Variants in RBFOX1 observed in about 807,000 individuals in gnomAD.
RBFOX1 encodes RNA binding protein fox-1 homolog 1.
RBFOX1 carries 8 observed loss-of-function variants against 57.7 expected under a neutral mutation model. The observed-to-expected ratio is 0.14, with a 90% CI of 0.08 to 0.25. The LOEUF (loss-of-function observed/expected upper bound fraction) is 0.25, where lower values mean the gene tolerates loss of function less well. RBFOX1 is among the 10% of genes least tolerant of loss of function. The pLI, the probability that RBFOX1 is intolerant of heterozygous loss-of-function variation, is 1.00. For synonymous variants in RBFOX1, 326 were observed against 222.4 expected, an observed-to-expected ratio of 1.47 and a Z score of -4.15; for missense variants, 611 against 548.5, an observed-to-expected ratio of 1.11 and a Z score of -1.14.
intron 3 of RBFOX1, among the ~76,000 whole-genome samples, chr16:6,900,312 A>G (rs556264548): frequency 6.6e-6 from 1 of 152,200 alleles, no homozygotes; most frequent in Non-Finnish European, 1.5e-5. Context: ...TCCTGTTCCA[A>G]GTTGCCATCA....
At chr16:6,965,176 G>A (rs949936241) in intron 3 of RBFOX1, among the ~76,000 whole-genome samples, 1 of 152,154 alleles carries the variant, frequency 6.6e-6, no homozygotes, top group Admixed American at 6.6e-5. Flanking sequence ...TGCTGTGGTG[G>A]TAGATTCTGG....
chr16:7,339,349 A>T (rs529365772), intron 4 of RBFOX1, among the ~76,000 whole-genome samples: 63 of 152,204 alleles, frequency 4.1e-4, no homozygotes, highest in Non-Finnish European at 7.9e-4. Flanking sequence ...TTCCAACAGG[A>T]AGTTGATATT....
At chr16:6,499,830 C>G (rs914415195) in intron 2 of RBFOX1, among the ~76,000 whole-genome samples, 3 of 152,054 alleles carry the variant, frequency 2.0e-5, no homozygotes, top group East Asian at 3.9e-4. Context: ...TAATCGATAC[C>G]TCCTCTTGTT....
intron 3 of RBFOX1, among the ~76,000 whole-genome samples, chr16:5,624,913 A>G (rs888663823): frequency 2.0e-5 from 3 of 152,102 alleles, no homozygotes; most frequent in Non-Finnish European, 4.4e-5. Context: ...CAATAGGTTT[A>G]TCTGGTGCCA....
chr16:6,743,655 A>G (rs1053426876), intron 3 of RBFOX1, among the ~76,000 whole-genome samples: 3 of 151,886 alleles, frequency 2.0e-5, no homozygotes, highest in African/African-American at 7.3e-5. Context: ...AGGTGTCAGT[A>G]TCACTTGAGC....
At chr16:5,929,341 T>A (rs1481578674) in intron 4 of RBFOX1, among the ~76,000 whole-genome samples, 2 of 152,110 alleles carry the variant, frequency 1.3e-5, no homozygotes, top group Non-Finnish European at 2.9e-5. Flanking sequence ...TCTCTCTTTC[T>A]CTGCCCACCA....
At chr16:7,534,059 C>T (rs2080852049) in intron 5 of RBFOX1, among the ~76,000 whole-genome samples, 1 of 150,246 alleles carries the variant, frequency 6.7e-6, no homozygotes, top group Non-Finnish European at 1.5e-5. Context: ...AGCCCTGATT[C>T]ATGTCAAAGG....
intron 3 of RBFOX1, among the ~76,000 whole-genome samples, chr16:6,811,137 C>T (rs927038345): frequency 1.3e-5 from 2 of 152,192 alleles, no homozygotes; most frequent in East Asian, 3.8e-4. Context: ...TGAGTAACTT[C>T]TAAGGCCTCC....
intron 4 of RBFOX1, among the ~76,000 whole-genome samples, chr16:7,301,113 G>A (rs555534327): frequency 1.3e-5 from 2 of 152,228 alleles, no homozygotes; most frequent in African/African-American, 4.8e-5. Context: ...CCCCAGATGC[G>A]GTTTAAAAGG....
At chr16:5,799,564 A>G (rs887013918) in intron 3 of RBFOX1, among the ~76,000 whole-genome samples, 1 of 152,198 alleles carries the variant, frequency 6.6e-6, no homozygotes, top group Non-Finnish European at 1.5e-5. Context: ...TCAGTACAGT[A>G]TCCAGTTGGT....
At chr16:5,862,922 G>A (rs541185301) in intron 3 of RBFOX1, among the ~76,000 whole-genome samples, 3 of 152,276 alleles carry the variant, frequency 2.0e-5, no homozygotes, top group Admixed American at 6.5e-5. Flanking sequence ...ACAGGTGGCT[G>A]TGACTGGACA....
chr16:7,484,662 C>G (rs910514249), intron 4 of RBFOX1, among the ~76,000 whole-genome samples: 13 of 152,134 alleles, frequency 8.5e-5, no homozygotes, highest in African/African-American at 2.4e-4. Flanking sequence ...CAAGGTTTCA[C>G]CATGTTGGTC....
chr16:6,868,161 TA>T lies in RBFOX1; in HGVS notation c.-15-183895del, dbSNP rs1325871499. On this transcript the variant is annotated intron_variant, in intron 3 of 15. Transcript: ENST00000550418. ...TGAAATTAGCAAATAATTATTCCTA[TA>T]TTTTTTTTCATTGAAGTCTTTCAGT... is the stretch of plus-strand genomic sequence containing the variant. Among the ~76,000 whole-genome samples, 4 of 152,214 alleles carry T rather than the reference TA, an allele frequency of 2.6e-5. No individual in the cohort carries two copies. In the South Asian group the frequency reaches 6.2e-4, roughly 24 times the overall value.
rs1416179298 is a variant in RBFOX1, at chr16:5,788,204, T to G, written c.319-79099T>G. ...ATCCTGAATATCTGCTGTTGGCCGG[T>G]AGTTTATTTACCCTGGATGGAGAGA... On this transcript the variant is annotated intron_variant, in intron 3 of 19. Transcript: ENST00000641259. 2.0e-5 allele frequency among the ~76,000 whole-genome samples: 3 copies of G among 152,146 alleles called. No homozygotes were observed. In the East Asian group the frequency reaches 5.8e-4, roughly 29 times the overall value.
chr16:7,285,942 G>T (rs1387396008), intron 4 of RBFOX1, among the ~76,000 whole-genome samples: 3 of 152,144 alleles, frequency 2.0e-5, no homozygotes, highest in East Asian at 1.9e-4. Context: ...GAAACTGATT[G>T]ATTTTTAAAC....
chr16:5,803,960 C>T (rs1313140557), intron 3 of RBFOX1, among the ~76,000 whole-genome samples: 2 of 152,216 alleles, frequency 1.3e-5, no homozygotes, highest in African/African-American at 4.8e-5. Context: ...CCCTTCCCTA[C>T]TTGTCAAACT....
chr16:5,799,630 G>T (rs1234460633), intron 3 of RBFOX1, among the ~76,000 whole-genome samples: 2 of 152,106 alleles, frequency 1.3e-5, no homozygotes, highest in Non-Finnish European at 2.9e-5. Context: ...GGTGATTTTT[G>T]TCCAACTGTA....
intron 3 of RBFOX1, among the ~76,000 whole-genome samples, chr16:6,796,792 C>G (rs1036464959): frequency 6.6e-6 from 1 of 152,118 alleles, no homozygotes. Flanking sequence ...TCTTCTATGT[C>G]CCTCAGTCAT....
At chr16:7,209,886 G>A (rs911332179) in intron 4 of RBFOX1, among the ~76,000 whole-genome samples, 2 of 152,170 alleles carry the variant, frequency 1.3e-5, no homozygotes, top group African/African-American at 4.8e-5. Flanking sequence ...TCTTGAAAAT[G>A]CCTGACCCCT....
Sources: allele counts gnomAD v4.1 joint callset (sites outside exome capture counted in the v4.1 genomes callset), GRCh38; gene constraint gnomAD v4.1.1; transcripts MANE v1.5; gene names NCBI Gene and HGNC (gene_info 2026-07-23, HGNC 2026-07-21).